The following ENPP6 variants were observed in gnomAD, a reference collection of about 807,000 sequenced individuals.
The protein encoded by ENPP6 is glycerophosphocholine cholinephosphodiesterase ENPP6.
ENPP6 carries 32 observed loss-of-function variants against 42.0 expected under a neutral mutation model. The observed-to-expected ratio is 0.76, with a 90% CI of 0.58 to 1.02. The LOEUF is 1.02. Ranked by LOEUF, ENPP6 falls within the 50% of genes least tolerant of loss-of-function variation. The pLI is 0.00. For synonymous variants in ENPP6, 213 were observed against 216.0 expected, an observed-to-expected ratio of 0.99 and a Z score of 0.12; for missense variants, 552 against 566.8, an observed-to-expected ratio of 0.97 and a Z score of 0.27.
At chr4:184,193,087 A>G (rs762128487) in intron 1 of ENPP6, among the ~76,000 whole-genome samples, 7 of 152,242 alleles carry the variant, frequency 4.6e-5, no homozygotes, top group Non-Finnish European at 8.8e-5. Flanking sequence ...AATTTCTCAA[A>G]ATGTTAAACA....
chr4:184,091,290 T>C lies in ENPP6; in HGVS notation c.1210A>G (p.Asn404Asp). The change falls in exon 8 of 8, where the codon AAC (asparagine) becomes GAC (aspartate). Residue 404 changes from asparagine (N) to aspartate (D), a missense_variant. Physicochemically the swap from Asn to Asp is conservative, Grantham distance 23. Transcript: ENST00000296741. ...CACATCACCCTGGACCAGGATCCGTTGTTGGGCAGCGGGGTGATGCCCACC... is the reference window on the plus strand; with the variant it reads ...CACATCACCCTGGACCAGGATCCGTCGTTGGGCAGCGGGGTGATGCCCACC... ...NVVGITPLPN[N>D]GSWSRVMCML... 2 of 1,614,108 alleles carry C rather than the reference T, an allele frequency of 1.2e-6. No individual in the cohort carries two copies. The highest frequency in any genetic ancestry group is 1.7e-6 in the Non-Finnish European group (2 of 1,180,016).
At chr4:184,196,844 T>G (rs1344729657) in intron 1 of ENPP6, among the ~76,000 whole-genome samples, 1 of 152,206 alleles carries the variant, frequency 6.6e-6, no homozygotes, top group East Asian at 1.9e-4. Context: ...CACAACTGGC[T>G]GCAAGAACCC....
At chr4:184,166,600 A>G (rs560410908) in intron 1 of ENPP6, among the ~76,000 whole-genome samples, 2 of 152,360 alleles carry the variant, frequency 1.3e-5, no homozygotes, top group Non-Finnish European at 1.5e-5. Flanking sequence ...ATTCATCTTC[A>G]CCGCTGTGCA....
intron 1 of ENPP6, among the ~76,000 whole-genome samples, chr4:184,179,558 T>C (rs933951890): frequency 2.6e-5 from 4 of 152,190 alleles, no homozygotes; most frequent in Non-Finnish European, 4.4e-5. Context: ...CAACAGAATA[T>C]ACATTCTTCT....
At chr4:184,134,149 T>TTTATTTATTTATTTATTTAA (rs1736689811) in intron 2 of ENPP6, among the ~76,000 whole-genome samples, 4 of 151,520 alleles carry the variant, frequency 2.6e-5, no homozygotes, top group Non-Finnish European at 5.9e-5. Context: ...TATTTATTTA[T>TTTATTTATTTATTTATTTAA]TTATTTATTT....
At chr4:184,170,622 A>T (rs1441512135) in intron 1 of ENPP6, among the ~76,000 whole-genome samples, 1 of 152,192 alleles carries the variant, frequency 6.6e-6, no homozygotes, top group African/African-American at 2.4e-5. Context: ...GGCTGATTGT[A>T]TCCTCGTGGT....
At chr4:184,115,337 T>A (rs1010330147) in intron 5 of ENPP6, among the ~76,000 whole-genome samples, 1 of 152,156 alleles carries the variant, frequency 6.6e-6, no homozygotes, top group African/African-American at 2.4e-5. Context: ...AAAGCCCATA[T>A]TGGGAAGTGA....
intron 2 of ENPP6, 106 bp downstream of exon 2, chr4:184,153,448 C>T: frequency 7.8e-7 from 1 of 1,276,048 alleles, no homozygotes; most frequent in South Asian, 1.6e-5. Flanking sequence ...AAATAAAGAT[C>T]CCATTTTCCA....
intron 1 of ENPP6, among the ~76,000 whole-genome samples, chr4:184,177,790 C>T (rs1226031270): frequency 6.6e-6 from 1 of 152,162 alleles, no homozygotes; most frequent in Non-Finnish European, 1.5e-5. Flanking sequence ...AGGGGCCTGA[C>T]TGTTAAAAGA....
At chr4:184,107,492 G>A (rs1228153449) in intron 6 of ENPP6, among the ~76,000 whole-genome samples, 2 of 152,220 alleles carry the variant, frequency 1.3e-5, no homozygotes, top group Admixed American at 1.3e-4. Context: ...CTATGGCAGG[G>A]TCAGCAGTCC....
At chr4:184,129,291 TACACACACACAC>T (rs60982411) in intron 2 of ENPP6, among the ~76,000 whole-genome samples, 78 of 145,400 alleles carry the variant, frequency 5.4e-4, no homozygotes, top group South Asian at 4.2e-3. Context: ...CCCCCCAACA[TACACACACACAC>T]ACACACACAC....
In ENPP6 at chr4:184,090,610, C is replaced by T. The variant is rs556338007; in HGVS notation, c.*567G>A. The T allele has an allele frequency of 9.4e-5, 16 of 170,502 alleles. No individual in the cohort carries two copies. The highest frequency in any genetic ancestry group is 1.9e-4 in the Admixed American group (3 of 15,754). The allele number at this position is 170,502 out of a possible 1,614,324, so 10.6% of individuals were successfully genotyped here. On this transcript the variant is annotated 3_prime_UTR_variant, in exon 8 of 8. Coordinates refer to ENST00000296741, the MANE Select transcript of ENPP6 (RefSeq NM_153343.4). ...TTGATTGGTGATCCATGCTAAGTTA[C>T]GTCCTTTCTGGAGCTCAGTATAAGA...
intron 2 of ENPP6, among the ~76,000 whole-genome samples, chr4:184,132,642 G>T (rs547537922): frequency 6.6e-6 from 1 of 151,894 alleles, no homozygotes; most frequent in South Asian, 2.1e-4. Flanking sequence ...TCTTTCTTCA[G>T]TTCCAAATTT....
chr4:184,102,458 A>G (rs909998612), intron 6 of ENPP6, among the ~76,000 whole-genome samples: 5 of 152,226 alleles, frequency 3.3e-5, no homozygotes, highest in Non-Finnish European at 7.3e-5. Flanking sequence ...ATACATGATC[A>G]TATATATTTC....
intron 2 of ENPP6, among the ~76,000 whole-genome samples, chr4:184,132,294 C>CTT (rs955881873): frequency 1.3e-5 from 2 of 148,352 alleles, no homozygotes; most frequent in East Asian, 3.9e-4. Context: ...TTTTATTTTG[C>CTT]TTTTTTTTTT....
rs1363509105 is a variant in ENPP6, at chr4:184,107,652, A to G, written c.993+5020T>C. Reference sequence around the variant, plus strand: ...TAGTCAGGGCTAGGTGTGGTGGCTCACGCCTGTAATCCCAGCACTTTGGGA... The same window carrying G: ...TAGTCAGGGCTAGGTGTGGTGGCTCGCGCCTGTAATCCCAGCACTTTGGGA... On this transcript the variant is annotated intron_variant, in intron 6 of 7. Coordinates refer to ENST00000296741, the MANE Select transcript of ENPP6 (RefSeq NM_153343.4). Among the ~76,000 whole-genome samples the G allele has an allele frequency of 2.0e-5, 3 of 152,048 alleles. No homozygotes were observed. In the East Asian group the frequency reaches 5.8e-4, roughly 29 times the overall value.
intron 6 of ENPP6, among the ~76,000 whole-genome samples, chr4:184,110,941 G>A (rs913990357): frequency 3.3e-5 from 5 of 152,152 alleles, no homozygotes; most frequent in Non-Finnish European, 7.4e-5. Flanking sequence ...TGTGGCTGCT[G>A]AGATACCATG....
chr4:184,169,880 C>T (rs943990717), intron 1 of ENPP6, among the ~76,000 whole-genome samples: 1 of 152,210 alleles, frequency 6.6e-6, no homozygotes, highest in Non-Finnish European at 1.5e-5. Flanking sequence ...TGTGATAACA[C>T]GGGACAGTGC....
chr4:184,205,602 G>A (rs768752504), intron 1 of ENPP6, among the ~76,000 whole-genome samples: 5 of 152,264 alleles, frequency 3.3e-5, no homozygotes, highest in Non-Finnish European at 7.3e-5. Flanking sequence ...TTTGAACAGA[G>A]GAGTGGTGTC....
Sources: allele counts gnomAD v4.1 joint callset (sites outside exome capture counted in the v4.1 genomes callset), GRCh38; gene constraint gnomAD v4.1.1; transcripts MANE v1.5; gene names NCBI Gene and HGNC (gene_info 2026-07-23, HGNC 2026-07-21).